FBXL14: variants seen among roughly 807,000 people sequenced by gnomAD.
FBXL14 encodes the protein F-box/LRR-repeat protein 14.
FBXL14 carries 11 observed loss-of-function variants against 24.5 expected under a neutral mutation model. The observed-to-expected ratio is 0.45, with a 90% confidence interval of 0.28 to 0.74. FBXL14 has a LOEUF of 0.74. FBXL14 is among the 30% of genes least tolerant of loss of function. The pLI is 0.12. For synonymous variants in FBXL14, 294 were observed against 240.4 expected (o/e 1.22, Z -2.06); for missense variants, 384 against 545.6 (o/e 0.70, Z 2.95).
chr12:1,588,399 G>A (rs2154438280), intron 1 of FBXL14, among the ~76,000 whole-genome samples: 1 of 152,260 alleles, frequency 6.6e-6, no homozygotes, highest in East Asian at 1.9e-4. Flanking sequence ...CCTTTCAAAA[G>A]AAAAAGGAAC....
rs1592452736 is a variant in FBXL14, at chr12:1,569,003, A to G, written c.1195-2193T>C. 6.6e-6 allele frequency among the ~76,000 whole-genome samples: 1 copy of G among 152,230 alleles called. No homozygotes were observed. The highest frequency in any genetic ancestry group is 2.1e-4 in the South Asian group (1 of 4,830). Reference sequence around the variant, plus strand: ...AAAGGCACAGTCCTGAGACATGGAGAATAACCCAGAATAATTATCTTTAAT... The same window carrying G: ...AAAGGCACAGTCCTGAGACATGGAGGATAACCCAGAATAATTATCTTTAAT... On this transcript the variant is annotated intron_variant, in intron 1 of 1. Coordinates refer to ENST00000339235, the MANE Select transcript of FBXL14 (RefSeq NM_152441.3). The surrounding 1 kb of genome is among the most constrained non-coding windows in gnomAD (Gnocchi z 4.2).
At chr12:1,573,472 A>G (rs1285924974) in intron 1 of FBXL14, among the ~76,000 whole-genome samples, 1 of 152,196 alleles carries the variant, frequency 6.6e-6, no homozygotes, top group Non-Finnish European at 1.5e-5. Context: ...ATGCCACCCC[A>G]GCCACGCACG....
chr12:1,579,942 G>A lies in FBXL14; in HGVS notation c.1194+12931C>T, dbSNP rs143691663. 2.6e-5 allele frequency among the ~76,000 whole-genome samples: 4 copies of A among 152,312 alleles called. No homozygotes were observed. The East Asian group carries it at 7.7e-4, about 29-fold the overall frequency. ...AATCCTTAATGAACACTCATGCATA[G>A]ATGACATCAAAGAAGGTCCTTTGCA... is the stretch of plus-strand genomic sequence containing the variant. On this transcript the variant is annotated intron_variant, in intron 1 of 1. Transcript: ENST00000339235. The surrounding 1 kb of genome is among the most constrained non-coding windows in gnomAD (Gnocchi z 4.3).
At chr12:1,575,455 A>G (rs949132748) in intron 1 of FBXL14, among the ~76,000 whole-genome samples, 14 of 152,256 alleles carry the variant, frequency 9.2e-5, no homozygotes, top group African/African-American at 3.4e-4. Context: ...CCTGGGGTTA[A>G]TGGTTCCTTG....
At position 1,594,335 on chromosome 12, in the gene FBXL14, G is replaced by A. The variant is rs1281700322; in HGVS notation, c.-269C>T. 6.9e-6 allele frequency among the ~76,000 whole-genome samples: 1 copy of A among 145,802 alleles called. No individual in the cohort carries two copies. The highest frequency in any genetic ancestry group is 1.5e-5 in the Non-Finnish European group (1 of 65,512). On this transcript the variant is annotated 5_prime_UTR_variant, in exon 1 of 2. Transcript: ENST00000339235. Reference sequence around the variant, plus strand: ...TCCGCACGGCGCTCACATCCCGGGCGGGGAAGGCGCCTCGCTCTCGCTCCC... The same window carrying A: ...TCCGCACGGCGCTCACATCCCGGGCAGGGAAGGCGCCTCGCTCTCGCTCCC...
chr12:1,592,820 G>C (rs2094493664), intron 1 of FBXL14, 53 bp downstream of exon 1: 3 of 1,453,248 alleles, frequency 2.1e-6, no homozygotes, highest in Non-Finnish European at 2.8e-6. Flanking sequence ...GGTGGTAATG[G>C]GAGGATGAAC....
At chr12:1,585,596 C>T (rs1306261738) in intron 1 of FBXL14, among the ~76,000 whole-genome samples, 1 of 152,148 alleles carries the variant, frequency 6.6e-6, no homozygotes, top group Non-Finnish European at 1.5e-5. Context: ...AACTGTTTTC[C>T]CACAGTCCAG....
chr12:1,590,434 A>AT (rs918161335), intron 1 of FBXL14, among the ~76,000 whole-genome samples: 14 of 152,116 alleles, frequency 9.2e-5, no homozygotes, highest in African/African-American at 1.4e-4. Flanking sequence ...TGAGATCAGT[A>AT]TTTTTTTTAA....
At chr12:1,592,270 T>G (rs1176421401) in intron 1 of FBXL14, among the ~76,000 whole-genome samples, 1 of 149,530 alleles carries the variant, frequency 6.7e-6, no homozygotes, top group Non-Finnish European at 1.5e-5. Flanking sequence ...ATTTCAAATT[T>G]TTTCCAAAAA....
intron 1 of FBXL14, among the ~76,000 whole-genome samples, chr12:1,573,478 G>T (rs959960612): frequency 1.3e-5 from 2 of 152,168 alleles, no homozygotes; most frequent in South Asian, 2.1e-4. Context: ...CCCCAGCCAC[G>T]CACGACTAGG....
At chr12:1,588,227 G>A (rs909752265) in intron 1 of FBXL14, among the ~76,000 whole-genome samples, 1 of 152,086 alleles carries the variant, frequency 6.6e-6, no homozygotes, top group Non-Finnish European at 1.5e-5. Flanking sequence ...CTTTCCCTTT[G>A]AAAACTTGAA....
rs74058766 is a variant in FBXL14 at position 1,566,802 on chromosome 12, T to C, written c.1203A>G (p.Arg401=). 1.8e-5 allele frequency: 14 copies of C among 780,800 alleles called. No individual in the cohort carries two copies. The highest frequency in any genetic ancestry group is 3.3e-5 in the Non-Finnish European group (14 of 418,088). 48.4% of individuals were successfully genotyped at this position (780,800 alleles called of 1,614,324 possible). A position where few individuals can be genotyped will look rare whatever the true frequency, so the allele number is the denominator to read the frequency against. Residue 401 remains arginine, a synonymous_variant, in exon 2 of 2, where the codon CGA becomes CGG. Transcript: ENST00000339235. ...WQMTDSEKEA[R]GDFSPLFTVR... ...CAGTGAATAATGGAGAAAAATCCCC[T>C]CGTGCCTCCTGCAGTGGGAAGAAGA...
In FBXL14 at chr12:1,580,532, T is replaced by TG. The variant is rs149098418; in HGVS notation, c.1194+12340dup. The stretch of plus-strand genomic sequence containing the variant: ...AAACAGGACCAAATGGAAAACATAG[T>TG]GGGGGGGGAGGTCCTTGCTGCCCCC... On this transcript the variant is annotated intron_variant, in intron 1 of 1. Coordinates refer to ENST00000339235, the MANE Select transcript of FBXL14 (RefSeq NM_152441.3). 7.7e-3 allele frequency among the ~76,000 whole-genome samples: 1,162 copies of TG among 151,594 alleles called. 13 individuals carry two copies. The highest frequency in any genetic ancestry group is 0.025 in the African/African-American group (1,031 of 41,300).
intron 1 of FBXL14, chr12:1,574,879 G>C (rs530467932): frequency 6.8e-6 from 1 of 146,656 alleles, no homozygotes; most frequent in Non-Finnish European, 1.5e-5. Context: ...GATTTGGTAC[G>C]AGTTTATTTG....
At position 1,593,243 on chromosome 12, in the gene FBXL14, G is replaced by A. The variant is rs898681278; in HGVS notation, c.824C>T (p.Ala275Val). 1.2e-6 allele frequency: 2 copies of A among 1,612,400 alleles called. No individual in the cohort carries two copies. Among genetic ancestry groups the A allele is most frequent in the African/African-American group, 2.7e-5 (2 of 74,866 alleles). The change falls in exon 1 of 2, where the codon GCC becomes GTC. Residue 275 changes from alanine to valine, a missense_variant. By Grantham distance (64) the Ala-to-Val change is moderately conservative. Coordinates refer to ENST00000339235, the MANE Select transcript of FBXL14 (RefSeq NM_152441.3). The surrounding 1 kb of genome is among the most constrained non-coding windows in gnomAD (Gnocchi z 7.4). ...CCCCGAGAGGCGCAGGCTGCCCATGGCCAGATGCATGATGCCCGTGTCACT... is the reference window on the plus strand; with the variant it reads ...CCCCGAGAGGCGCAGGCTGCCCATGACCAGATGCATGATGCCCGTGTCACT... ...NISDTGIMHL[A>V]MGSLRLSGLD...
intron 1 of FBXL14, among the ~76,000 whole-genome samples, chr12:1,578,223 A>C (rs1263933399): frequency 6.6e-6 from 1 of 152,250 alleles, no homozygotes; most frequent in Non-Finnish European, 1.5e-5. Context: ...AGATGATTAC[A>C]TTCCACAGTA....
Position 1,593,023 on chromosome 12 carries a change from C to T in FBXL14, c.1044G>A (p.Leu348=). ...GQCVRITDKG[L]ELIAEHLSQL... ...GGCTCAGGTGCTCAGCGATCAGCTC[C>T]AGGCCCTTGTCCGTGATGCGCACAC... The change falls in exon 1 of 2, where the codon CTG becomes CTA. Residue 348 remains leucine (L), a synonymous_variant. Coordinates refer to ENST00000339235, the MANE Select transcript of FBXL14 (RefSeq NM_152441.3). The surrounding 1 kb of genome is among the most constrained non-coding windows in gnomAD (Gnocchi z 7.4). The T allele has an allele frequency of 6.2e-7, 1 of 1,612,436 alleles. No homozygotes were observed. Among genetic ancestry groups the T allele is most frequent in the Non-Finnish European group, 8.5e-7 (1 of 1,180,038 alleles).
rs58447944 is a variant in FBXL14, at chr12:1,577,427, T to TA, written c.1195-10618dup. Among the ~76,000 whole-genome samples the TA allele has an allele frequency of 5.9e-3, 888 of 149,998 alleles. 11 individuals are homozygous for TA. Among genetic ancestry groups the TA allele is most frequent in the African/African-American group, 0.019 (774 of 40,832 alleles). On this transcript the variant is annotated intron_variant, in intron 1 of 1. Coordinates refer to ENST00000339235, the MANE Select transcript of FBXL14 (RefSeq NM_152441.3). ...TCTGGAGGAATTTTAAATAAGGATT[T>TA]AAAAAAAAAAAAGGACTTATGTATT...
chr12:1,568,180 T>C (rs185923342), intron 1 of FBXL14, among the ~76,000 whole-genome samples: 140 of 152,218 alleles, frequency 9.2e-4, no homozygotes, highest in Non-Finnish European at 1.6e-3. Context: ...AAAAACACAT[T>C]ACCTGTAGAG....
Sources: gnomAD v4.1 joint callset for allele counts (sites outside exome capture counted in the v4.1 genomes callset) on GRCh38, gnomAD v4.1.1 for gene constraint, Gnocchi (gnomAD v3.1) non-coding constraint, MANE v1.5 for transcripts, NCBI Gene and HGNC (gene_info 2026-07-23, HGNC 2026-07-21) for gene names.